Variants in THSD7B observed in about 807,000 individuals in gnomAD.
The protein encoded by THSD7B is thrombospondin type-1 domain-containing protein 7B.
Under a neutral mutation model 213.6 loss-of-function variants are expected in THSD7B, and 138 were observed. The ratio of observed to expected loss-of-function variants is 0.65; its 90% CI spans 0.56 to 0.74. The LOEUF is 0.74. THSD7B is among the 30% of genes least tolerant of loss of function. THSD7B has a pLI of 0.00. For synonymous variants in THSD7B, 742 were observed against 687.0 expected (o/e 1.08, Z -1.25); for missense variants, 1,931 against 1,991.5 (o/e 0.97, Z 0.58).
rs564252762 is a variant in THSD7B, at chr2:137,309,751, C to T, written c.2500+33725C>T. ...ATTCCCACCTATGAGTGAGAATGTG[C>T]GGTGTTTGGTTTTTTGTTCTTGGCG... On this transcript the variant is annotated intron_variant, in intron 12 of 27. Coordinates refer to ENST00000409968, the MANE Select transcript of THSD7B (RefSeq NM_001316349.2). Among the ~76,000 whole-genome samples, 8 of 151,926 alleles carry T rather than the reference C, an allele frequency of 5.3e-5. No homozygotes were observed. The South Asian group carries it at 6.3e-4, about 12-fold the overall frequency.
chr2:137,469,970 G>T (rs892572627), intron 15 of THSD7B, among the ~76,000 whole-genome samples: 1 of 152,122 alleles, frequency 6.6e-6, no homozygotes, highest in African/African-American at 2.4e-5. Context: ...GGTTAGATTT[G>T]GGGGAAAACA....
At chr2:137,208,320 A>C (rs1681029186) in intron 7 of THSD7B, among the ~76,000 whole-genome samples, 1 of 152,028 alleles carries the variant, frequency 6.6e-6, no homozygotes, top group Non-Finnish European at 1.5e-5. Context: ...CTGCTAAATT[A>C]CCGAGGTTGA....
chr2:137,553,987 T>C (rs778930650), intron 15 of THSD7B, among the ~76,000 whole-genome samples: 2 of 151,742 alleles, frequency 1.3e-5, no homozygotes, highest in Non-Finnish European at 2.9e-5. Context: ...GGACAAAAGC[T>C]TTAAGGAGAC....
intron 12 of THSD7B, among the ~76,000 whole-genome samples, chr2:137,311,712 T>G (rs1449199283): frequency 2.6e-5 from 4 of 151,842 alleles, no homozygotes; most frequent in Non-Finnish European, 5.9e-5. Flanking sequence ...GTTTTTAGCA[T>G]GAAGGGTTGT....
intron 2 of THSD7B, among the ~76,000 whole-genome samples, chr2:136,981,161 G>A (rs1051037479): frequency 6.6e-6 from 1 of 152,176 alleles, no homozygotes; most frequent in Non-Finnish European, 1.5e-5. Flanking sequence ...TAGGTAAAAT[G>A]TACTGATAAA....
At chr2:137,444,877 G>A (rs576961656) in intron 14 of THSD7B, among the ~76,000 whole-genome samples, 1 of 151,924 alleles carries the variant, frequency 6.6e-6, no homozygotes, top group African/African-American at 2.4e-5. Context: ...CATTCAATAA[G>A]GGATTAATAA....
intron 3 of THSD7B, among the ~76,000 whole-genome samples, chr2:137,060,286 C>T (rs1687247320): frequency 6.6e-6 from 1 of 151,858 alleles, no homozygotes; most frequent in South Asian, 2.1e-4. Context: ...ATGTGTTTTG[C>T]AAATATTTTT....
chr2:137,075,260 T>C (rs760769907), intron 3 of THSD7B, among the ~76,000 whole-genome samples: 2 of 152,226 alleles, frequency 1.3e-5, no homozygotes, highest in Non-Finnish European at 2.9e-5. Flanking sequence ...CATAGTCCCA[T>C]ATTTCTTGGA....
At chr2:137,337,211 T>C (rs1320975626) in intron 12 of THSD7B, among the ~76,000 whole-genome samples, 1 of 152,066 alleles carries the variant, frequency 6.6e-6, no homozygotes, top group African/African-American at 2.4e-5. Context: ...TTTTGTTTTG[T>C]CTTGATTTTC....
intron 5 of THSD7B, among the ~76,000 whole-genome samples, chr2:137,118,160 A>C (rs970294680): frequency 2.0e-5 from 3 of 152,216 alleles, no homozygotes; most frequent in African/African-American, 7.2e-5. Flanking sequence ...TGTTGTTTTA[A>C]AGAGAATAGT....
chr2:136,813,080 A>G (rs1488910115), intron 1 of THSD7B, among the ~76,000 whole-genome samples: 3 of 152,110 alleles, frequency 2.0e-5, no homozygotes, highest in Non-Finnish European at 4.4e-5. Context: ...AAAAGTAAGC[A>G]TGTCTTATTT....
chr2:136,945,310 A>G (rs939301135), intron 2 of THSD7B, among the ~76,000 whole-genome samples: 1 of 151,806 alleles, frequency 6.6e-6, no homozygotes, highest in African/African-American at 2.4e-5. Context: ...TTCTTGCGCC[A>G]TGGTTGTAGA....
chr2:137,015,556 A>G (rs780844478), intron 2 of THSD7B, among the ~76,000 whole-genome samples: 13 of 152,126 alleles, frequency 8.5e-5, no homozygotes, highest in Non-Finnish European at 1.5e-4. Flanking sequence ...TTCCCTGGAC[A>G]CATCATATTT....
intron 4 of THSD7B, among the ~76,000 whole-genome samples, chr2:137,108,429 A>T (rs1012887357): frequency 6.6e-6 from 1 of 152,220 alleles, no homozygotes; most frequent in African/African-American, 2.4e-5. Context: ...CTTCACAGCT[A>T]TAAATGCCTT....
chr2:137,586,144 A>G (rs1294123621), intron 17 of THSD7B, among the ~76,000 whole-genome samples: 2 of 152,030 alleles, frequency 1.3e-5, no homozygotes, highest in Admixed American at 6.6e-5. Context: ...TTTATCAGAG[A>G]CTAGGATTGC....
chr2:137,438,628 T>C (rs776419361), intron 14 of THSD7B, among the ~76,000 whole-genome samples: 11 of 152,020 alleles, frequency 7.2e-5, no homozygotes, highest in Non-Finnish European at 1.3e-4. Flanking sequence ...GTTGATAACA[T>C]TGAAGCTTAG....
chr2:137,299,450 G>T (rs1683546555), intron 12 of THSD7B, among the ~76,000 whole-genome samples: 1 of 148,904 alleles, frequency 6.7e-6, no homozygotes, highest in Admixed American at 6.8e-5. Flanking sequence ...AGGCATGATT[G>T]GTTTTGAAAT....
At chr2:137,314,861 C>G (rs563878905) in intron 12 of THSD7B, among the ~76,000 whole-genome samples, 2 of 152,332 alleles carry the variant, frequency 1.3e-5, no homozygotes, top group East Asian at 3.9e-4. Context: ...GCAGTCTGCC[C>G]GTTCTCAGAT....
rs1481870150 is a variant in THSD7B at position 137,450,048 on chromosome 2, C to A, written c.2960-797C>A. On this transcript the variant is annotated intron_variant, in intron 14 of 27. Coordinates refer to ENST00000409968, the MANE Select transcript of THSD7B (RefSeq NM_001316349.2). ...GTATAATTTTTTAGGAAATTGATGG[C>A]CTCAGTTTTAGACATGTTGAATTTT... 2.6e-5 allele frequency among the ~76,000 whole-genome samples: 4 copies of A among 152,134 alleles called. No homozygotes were observed. In the East Asian group the frequency reaches 7.7e-4, roughly 29 times the overall value.
Sources: allele counts gnomAD v4.1 joint callset (sites outside exome capture counted in the v4.1 genomes callset), GRCh38; gene constraint gnomAD v4.1.1; transcripts MANE v1.5; gene names NCBI Gene and HGNC (gene_info 2026-07-23, HGNC 2026-07-21).